CD276: variants seen among roughly 807,000 people sequenced by gnomAD.
CD276 encodes CD276 antigen.
A neutral mutation model predicts 50.0 loss-of-function variants in CD276; 34 were observed. The ratio of observed to expected loss-of-function variants is 0.68; its 90% confidence interval spans 0.52 to 0.91. The LOEUF (loss-of-function observed/expected upper bound fraction) is 0.91, where lower values mean the gene tolerates loss of function less well. CD276 is among the 40% of genes least tolerant of loss of function. The pLI is 0.00. For synonymous variants in CD276, 275 were observed against 313.0 expected (o/e 0.88, Z 1.28); for missense variants, 634 against 717.5 (o/e 0.88, Z 1.33).
intron 6 of CD276, among the ~76,000 whole-genome samples, chr15:73,705,370 G>A (rs957442965): frequency 6.6e-6 from 1 of 152,136 alleles, no homozygotes; most frequent in South Asian, 2.1e-4. Flanking sequence ...ATGCACCTCA[G>A]GACTCACTTA....
intron 1 of CD276, chr15:73,685,029 G>T: frequency 6.5e-6 from 1 of 152,822 alleles, no homozygotes; most frequent in Non-Finnish European, 1.5e-5. Context: ...GGCGACTGGT[G>T]CACTTCCACA....
At chr15:73,688,729 C>T (rs759348578) in intron 1 of CD276, among the ~76,000 whole-genome samples, 4 of 152,128 alleles carry the variant, frequency 2.6e-5, no homozygotes, top group East Asian at 1.9e-4. Flanking sequence ...CCAGGTGTAC[C>T]GTAAGAGGCC....
chr15:73,695,626 A>G (rs1405187745), intron 1 of CD276, among the ~76,000 whole-genome samples: 2 of 152,216 alleles, frequency 1.3e-5, no homozygotes, highest in Non-Finnish European at 2.9e-5. Context: ...GAATTACTAA[A>G]GACATGAATG....
At position 73,704,740 on chromosome 15, in the gene CD276, T is replaced by C. The variant is rs1413256349; in HGVS notation, c.1369+268T>C. On this transcript the variant is annotated intron_variant, in intron 6 of 9. Transcript: ENST00000318443. This position sits in a 1 kb window ranked among gnomAD's most constrained non-coding sequence, Gnocchi z 4.1. ...GGTACCTGCCCGAAATTTGGAGGCA[T>C]GGGCAGGAATTCTGGGGCAGCCACA... 6.6e-6 allele frequency among the ~76,000 whole-genome samples: 1 copy of C among 152,170 alleles called. No individual in the cohort carries two copies. Among genetic ancestry groups the C allele is most frequent in the Non-Finnish European group, 1.5e-5 (1 of 68,016 alleles).
chr15:73,700,875 G>C (rs868317539), intron 2 of CD276, among the ~76,000 whole-genome samples: 12 of 4,942 alleles, frequency 2.4e-3, no homozygotes, highest in Middle Eastern at 0.17. Flanking sequence ...GGGTGGGGGG[G>C]TTCGCTTCCC....
In CD276 at chr15:73,713,093, A is replaced by C. The variant is rs935118268; in HGVS notation, c.*137A>C. ...GCTCCTTCTCCAAAGGATGCGATAC[A>C]CAGACCACTGTGCAGCCTTATTTCT... On this transcript the variant is annotated 3_prime_UTR_variant, in exon 10 of 10. Coordinates refer to ENST00000318443, the MANE Select transcript of CD276 (RefSeq NM_001024736.2). 4 of 700,550 alleles carry C rather than the reference A, an allele frequency of 5.7e-6. No homozygotes were observed. The African/African-American group carries it at 7.2e-5, about 13-fold the overall frequency. 43.4% of individuals were successfully genotyped at this position (700,550 alleles called of 1,614,324 possible).
intron 7 of CD276, chr15:73,709,427 G>A: frequency 1.9e-6 from 1 of 538,838 alleles, no homozygotes; most frequent in Non-Finnish European, 3.3e-6. Context: ...TTTTTGGCTG[G>A]GTGAGTGGTG....
At position 73,706,544 on chromosome 15, in the gene CD276, C is replaced by T. The variant is rs144935358; in HGVS notation, c.1370-1795C>T. 3.8e-3 allele frequency among the ~76,000 whole-genome samples: 577 copies of T among 152,352 alleles called. 2 individuals carry two copies. Among genetic ancestry groups the T allele is most frequent in the Admixed American group, 6.0e-3 (92 of 15,298 alleles). ...TGAGGAGATGAGCCATGATCAGAAT[C>T]CAACTTTGGCCTCTCAGCCTAATTT... On this transcript the variant is annotated intron_variant, in intron 6 of 9. Transcript: ENST00000318443.
At chr15:73,692,763 G>A (rs1900034066) in intron 1 of CD276, among the ~76,000 whole-genome samples, 2 of 152,168 alleles carry the variant, frequency 1.3e-5, no homozygotes, top group Admixed American at 1.3e-4. Context: ...TCATGAATAA[G>A]CATTTGTTGA....
Position 73,707,105 on chromosome 15 carries a change from A to G in CD276, c.1370-1234A>G, listed in dbSNP as rs75790042. Among the ~76,000 whole-genome samples, 611 of 152,276 alleles carry G rather than the reference A, an allele frequency of 4.0e-3. 6 individuals are homozygous for G. Among genetic ancestry groups the G allele is most frequent in the African/African-American group, 0.014 (585 of 41,544 alleles). On this transcript the variant is annotated intron_variant, in intron 6 of 9. Transcript: ENST00000318443. The stretch of plus-strand genomic sequence containing the variant: ...AGCAGCAGTTTTGCCAGCAGTGCCT[A>G]TTGAAGGTGACATCTGCAGATCCAT...
chr15:73,710,437 A>C (rs1900847034), intron 8 of CD276, among the ~76,000 whole-genome samples: 1 of 152,220 alleles, frequency 6.6e-6, no homozygotes, highest in Non-Finnish European at 1.5e-5. Context: ...CTGGGGGCCC[A>C]GCTTGGGTGG....
At chr15:73,700,892 C>CTCCCTT (rs1900354257) in intron 2 of CD276, among the ~76,000 whole-genome samples, 1 of 27,184 alleles carries the variant, frequency 3.7e-5, no homozygotes, top group African/African-American at 3.3e-4. Context: ...TCCCCTCCTC[C>CTCCCTT]CCTCCTCCTC....
intron 8 of CD276, among the ~76,000 whole-genome samples, chr15:73,710,237 A>G (rs1362450558): frequency 1.3e-5 from 2 of 152,238 alleles, no homozygotes; most frequent in Non-Finnish European, 2.9e-5. Context: ...AAACAGCTTA[A>G]GACAATACTG....
chr15:73,685,501 T>TG (rs1329696767), intron 1 of CD276, among the ~76,000 whole-genome samples: 155 of 118,058 alleles, frequency 1.3e-3, no homozygotes, highest in Middle Eastern at 9.8e-3. Flanking sequence ...GTGTGGCGGG[T>TG]GGGGGGGTGT....
rs2141590432 is a variant in CD276, at chr15:73,712,979, A to G, written c.*23A>G. ...TGACCATGAGGACCAGGGAGCTGCT[A>G]CCCCTCCCTACAGCTCCTACCCTCT... On this transcript the variant is annotated 3_prime_UTR_variant, in exon 10 of 10. Coordinates refer to ENST00000318443, the MANE Select transcript of CD276 (RefSeq NM_001024736.2). 1.2e-6 allele frequency: 2 copies of G among 1,610,464 alleles called. No individual in the cohort carries two copies. The highest frequency in any genetic ancestry group is 1.7e-6 in the Non-Finnish European group (2 of 1,177,138).
chr15:73,701,120 G>A (rs989264149), intron 2 of CD276, among the ~76,000 whole-genome samples: 2 of 151,194 alleles, frequency 1.3e-5, no homozygotes, highest in Non-Finnish European at 1.5e-5. Flanking sequence ...GGTCTCGAAC[G>A]CCTGACCTCA....
At position 73,702,833 on chromosome 15, in the gene CD276, G is replaced by A. The variant is rs771933832; in HGVS notation, c.480G>A (p.Thr160=). 9 of 1,614,008 alleles carry A rather than the reference G, an allele frequency of 5.6e-6. No individual in the cohort carries two copies. Among genetic ancestry groups the A allele is most frequent in the Admixed American group, 3.3e-5 (2 of 59,998 alleles). The change falls in exon 4 of 10, where the codon ACG becomes ACA. Residue 160 remains threonine, a synonymous_variant. Coordinates refer to ENST00000318443, the MANE Select transcript of CD276 (RefSeq NM_001024736.2). ...ACAAGGACCTGCGGCCAGGGGACAC[G>A]GTGACCATCACGTGCTCCAGCTACC... ...EPNKDLRPGD[T]VTITCSSYQG... is the part of the protein sequence containing the mutation.
intron 2 of CD276, among the ~76,000 whole-genome samples, chr15:73,701,671 A>G (rs1900393916): frequency 1.3e-5 from 2 of 152,240 alleles, no homozygotes; most frequent in African/African-American, 4.8e-5. Context: ...CCTCACCACC[A>G]TATTTAAAGG....
At position 73,693,253 on chromosome 15, in the gene CD276, T is replaced by G. The variant is rs1433343174; in HGVS notation, c.-54-6333T>G. 2.6e-5 allele frequency among the ~76,000 whole-genome samples: 4 copies of G among 152,142 alleles called. No homozygotes were observed. The East Asian group carries it at 7.7e-4, about 29-fold the overall frequency. ...CAGATGATATTCATTCATTCTTTTT[T>G]TAATCCACCAACAAATTATTGAGCA... On this transcript the variant is annotated intron_variant, in intron 1 of 9. Coordinates refer to ENST00000318443, the MANE Select transcript of CD276 (RefSeq NM_001024736.2).
Sources: gnomAD v4.1 joint callset for allele counts (sites outside exome capture counted in the v4.1 genomes callset) on GRCh38, gnomAD v4.1.1 for gene constraint, Gnocchi (gnomAD v3.1) non-coding constraint, MANE v1.5 for transcripts, NCBI Gene and HGNC (gene_info 2026-07-23, HGNC 2026-07-21) for gene names.